Variants in TRPA1 observed in about 807,000 individuals in gnomAD.
TRPA1 encodes ankyrin-like with transmembrane domains 1.
Under a neutral mutation model 131.3 loss-of-function variants are expected in TRPA1, and 129 were observed. The observed-to-expected ratio is 0.98, with a 90% CI of 0.85 to 1.14. TRPA1 has a LOEUF of 1.14. Among genes scored for constraint, TRPA1 ranks in the 50% most tolerant of loss-of-function variants. The pLI is 0.00. For missense variants in TRPA1, 1,304 were observed against 1,354.2 expected (o/e 0.96, Z 0.58); for synonymous variants, 441 against 451.7 (o/e 0.98, Z 0.30).
chr8:72,079,179 A>G (rs116653850), upstream of TRPA1, among the ~76,000 whole-genome samples: 1,788 of 152,020 alleles, frequency 0.012, 34 homozygotes, highest in African/African-American at 0.041. Flanking sequence ...TTTTTTCAGA[A>G]GCTGTTATTT....
intron 17 of TRPA1, among the ~76,000 whole-genome samples, chr8:72,045,890 C>A (rs991135080): frequency 6.6e-6 from 1 of 151,952 alleles, no homozygotes; most frequent in Non-Finnish European, 1.5e-5. Context: ...TAAAAGGTTT[C>A]TTGGGAAATT....
chr8:72,054,588 G>T (rs1805613109), intron 12 of TRPA1: 1 of 152,468 alleles, frequency 6.6e-6, no homozygotes, highest in Non-Finnish European at 1.5e-5. Flanking sequence ...TGCTATTTCA[G>T]TTATGATGTA....
In TRPA1 at chr8:72,063,553, GCTTAGCTC is replaced by G. The variant is rs1563402161; in HGVS notation, c.563_570del (p.Gly188AlafsTer3). The stretch of plus-strand genomic sequence containing the variant: ...CATCCCCATTTATTTGATTTACATG[GCTTAGCTC>G]CTTTTTTAAGCTGGAAGAAAAGACA... On this transcript the variant is annotated frameshift_variant, in exon 5 of 27. Transcript: ENST00000262209. LOFTEE classifies it high-confidence loss of function. 6.2e-7 allele frequency: 1 copy of G among 1,613,026 alleles called. No homozygotes were observed. The highest frequency in any genetic ancestry group is 1.1e-5 in the South Asian group (1 of 91,054).
chr8:72,021,618 A>C lies in TRPA1; in HGVS notation c.*1288T>G, dbSNP rs1250830279. 6.6e-6 allele frequency: 1 copy of C among 152,082 alleles called. No homozygotes were observed. The highest frequency in any genetic ancestry group is 1.5e-5 in the Non-Finnish European group (1 of 68,024). 9.4% of individuals were successfully genotyped at this position (152,082 alleles called of 1,614,324 possible). On this transcript the variant is annotated 3_prime_UTR_variant, in exon 27 of 27. Transcript: ENST00000262209. ...CCTCAGCACTCTGCTGGTTTGTATG[A>C]ACATCAGTATGTTTGAGAATGAGTG...
the TRPA1 span, among the ~76,000 whole-genome samples, chr8:72,083,674 C>T: frequency 6.6e-6 from 1 of 152,002 alleles, no homozygotes; most frequent in African/African-American, 2.4e-5. Flanking sequence ...ACCCTGGAGG[C>T]GGAGCTTGCA....
At chr8:72,041,545 C>A (rs1338753820) in intron 17 of TRPA1, among the ~76,000 whole-genome samples, 4 of 151,780 alleles carry the variant, frequency 2.6e-5, no homozygotes, top group South Asian at 2.1e-4. Context: ...AACTAGAAAT[C>A]AAAAGTAGAA....
intron 2 of TRPA1, 44 bp downstream of exon 2, chr8:72,071,667 T>C (rs1193549531): frequency 2.5e-6 from 4 of 1,598,946 alleles, no homozygotes; most frequent in Non-Finnish European, 8.6e-7. Flanking sequence ...GTTAATTGAA[T>C]GGGATGAATG....
At position 72,075,333 on chromosome 8, in the gene TRPA1, G is replaced by C. The variant is rs775549270; in HGVS notation, c.77C>G (p.Pro26Arg). The C allele has an allele frequency of 5.0e-6, 8 of 1,613,334 alleles. No homozygotes were observed. In the Admixed American group the frequency reaches 5.0e-5, roughly 10 times the overall value. The stretch of plus-strand genomic sequence containing the variant: ...TTCCTTGAAATCCTCCGTGTCGTCC[G>C]GCACATCCTCATAGACAACGCCCTG... ...EPQGVVYEDV[P>R]DDTEDFKESL... The change falls in exon 1 of 27, where the codon CCG (proline) becomes CGG (arginine). Residue 26 changes from proline (P) to arginine (R), a missense_variant. Coordinates refer to ENST00000262209, the MANE Select transcript of TRPA1 (RefSeq NM_007332.3).
Position 72,053,830 on chromosome 8 carries a change from T to A in TRPA1, c.1567A>T (p.Met523Leu). 5 of 1,612,296 alleles carry A rather than the reference T, an allele frequency of 3.1e-6. No individual in the cohort carries two copies. Among genetic ancestry groups the A allele is most frequent in the Non-Finnish European group, 4.2e-6 (5 of 1,179,802 alleles). Residue 523 changes from methionine (M) to leucine (L), a missense_variant, in exon 13 of 27, where the codon ATG (methionine) becomes TTG (leucine). Transcript: ENST00000262209. ...TTCATGGTCTGAGTGTACCCGCCCA[T>A]GGACGCATGATGCAAAGCTGTCCAG... The part of the protein sequence containing the change: ...NGWTALHHAS[M>L]GGYTQTMKVI...
chr8:72,064,874 A>C (rs1260058241), intron 4 of TRPA1, among the ~76,000 whole-genome samples: 1 of 151,582 alleles, frequency 6.6e-6, no homozygotes, highest in Non-Finnish European at 1.5e-5. Context: ...CCATCGCTTC[A>C]CTGGACCACG....
At chr8:72,026,698 A>G (rs73312047) in intron 24 of TRPA1, among the ~76,000 whole-genome samples, 1 of 152,158 alleles carries the variant, frequency 6.6e-6, no homozygotes, top group Non-Finnish European at 1.5e-5. Context: ...CAAATGAGAT[A>G]TTTCCTCACA....
At chr8:72,046,171 T>G (rs1266174875) in intron 17 of TRPA1, among the ~76,000 whole-genome samples, 1 of 152,026 alleles carries the variant, frequency 6.6e-6, no homozygotes, top group Non-Finnish European at 1.5e-5. Flanking sequence ...AGTTCTTATG[T>G]GACCATTAGA....
At chr8:72,061,485 A>G (rs1013118703) in intron 7 of TRPA1, 140 bp downstream of exon 7, 119 of 939,990 alleles carry the variant, frequency 1.3e-4, no homozygotes, top group Middle Eastern at 5.7e-4. Flanking sequence ...CGGTTGATCC[A>G]CAGGGTCTTT....
chr8:72,050,538 A>G (rs544631153), intron 15 of TRPA1, among the ~76,000 whole-genome samples: 1 of 152,312 alleles, frequency 6.6e-6, no homozygotes, highest in East Asian at 1.9e-4. Flanking sequence ...AGTCTCTGTT[A>G]CAGGTGTAGA....
chr8:72,058,088 T>C (rs945741179), intron 8 of TRPA1, among the ~76,000 whole-genome samples: 1 of 152,196 alleles, frequency 6.6e-6, no homozygotes, highest in Admixed American at 6.5e-5. Flanking sequence ...TTGTTACCGC[T>C]TGAACCATAA....
chr8:72,053,976 T>C (rs1290490367), intron 12 of TRPA1, 109 bp from the exon 13 acceptor site: 6 of 747,928 alleles, frequency 8.0e-6, no homozygotes, highest in South Asian at 1.5e-5. Flanking sequence ...AAAAGCATTA[T>C]TGAGATCTGG....
chr8:72,075,322 C>T lies in TRPA1; in HGVS notation c.88G>A (p.Glu30Lys). The T allele has an allele frequency of 1.2e-6, 2 of 1,613,490 alleles. No individual in the cohort carries two copies. Among genetic ancestry groups the T allele is most frequent in the South Asian group, 1.1e-5 (1 of 91,072 alleles). Residue 30 changes from glutamate to lysine, a missense_variant, in exon 1 of 27, where the codon GAG becomes AAG. Transcript: ENST00000262209. ...ACCTTAAGCGATTCCTTGAAATCCT[C>T]CGTGTCGTCCGGCACATCCTCATAG... The part of the protein sequence containing the change: ...VVYEDVPDDT[E>K]DFKESLKVVF...
chr8:72,076,849 G>A (rs967362772), upstream of TRPA1, among the ~76,000 whole-genome samples: 1 of 152,188 alleles, frequency 6.6e-6, no homozygotes, highest in Non-Finnish European at 1.5e-5. Flanking sequence ...GGATACAGGT[G>A]TTCAACTTCA....
intron 23 of TRPA1, 120 bp downstream of exon 23, chr8:72,033,524 T>G: frequency 1.0e-6 from 1 of 988,078 alleles, no homozygotes. Flanking sequence ...ACGAATAGAT[T>G]TTGTAGTAGA....
Sources: allele counts gnomAD v4.1 joint callset (sites outside exome capture counted in the v4.1 genomes callset), GRCh38; gene constraint gnomAD v4.1.1; transcripts MANE v1.5; gene names NCBI Gene and HGNC (gene_info 2026-07-23, HGNC 2026-07-21).